SYNE2: variants seen among roughly 807,000 people sequenced by gnomAD.
SYNE2 encodes the protein spectrin repeat containing nuclear envelope protein 2, also known as nesprin-2.
In SYNE2, 431 loss-of-function variants were observed where a neutral mutation model predicts 856.3. The ratio of observed to expected loss-of-function variants is 0.50; its 90% CI spans 0.47 to 0.55. The LOEUF is 0.55. Ranked by LOEUF, SYNE2 falls within the 20% of genes least tolerant of loss-of-function variation. The probability of loss-of-function intolerance (pLI) is 0.00; values close to 1 mark genes in which losing one functional copy is unlikely to be tolerated. For synonymous variants in SYNE2, 2,923 were observed against 2,872.3 expected (o/e 1.02, Z -0.56); for missense variants, 8,129 against 8,023.2 (o/e 1.01, Z -0.50).
chr14:63,882,990 GT>G (rs140294720), intron 1 of SYNE2, among the ~76,000 whole-genome samples: 63,867 of 136,378 alleles, frequency 0.47, 15,130 homozygotes, highest in South Asian at 0.59. Context: ...TAAGCACTCT[GT>G]TTTTTTTTTT....
At chr14:64,075,668 A>G (rs967616175) in intron 53 of SYNE2, 27 of 392,632 alleles carry the variant, frequency 6.9e-5, no homozygotes, top group Non-Finnish European at 1.2e-4. Context: ...ATTAAATCCT[A>G]AAGGTACTTT....
chr14:63,761,985 A>G, exon 1 of SYNE2: 1 of 396,694 alleles, frequency 2.5e-6, no homozygotes, highest in Non-Finnish European at 5.3e-6. Flanking sequence ...ACAGCGTGAG[A>G]GGTAATAGGT....
intron 19 of SYNE2, among the ~76,000 whole-genome samples, chr14:63,988,661 A>G (rs534778636): frequency 6.6e-6 from 1 of 152,340 alleles, no homozygotes; most frequent in South Asian, 2.1e-4. Flanking sequence ...AGACTGGGCA[A>G]TTGACAAAAG....
chr14:63,918,731 G>T (rs1301605376), intron 2 of SYNE2, among the ~76,000 whole-genome samples: 1 of 152,142 alleles, frequency 6.6e-6, no homozygotes, highest in Non-Finnish European at 1.5e-5. Flanking sequence ...TACTGCACAG[G>T]GGATTTCATC....
intron 1 of SYNE2, among the ~76,000 whole-genome samples, chr14:63,763,005 T>C (rs904226626): frequency 6.6e-6 from 1 of 152,230 alleles, no homozygotes; most frequent in Non-Finnish European, 1.5e-5. Context: ...GTCTCACCTG[T>C]GGCCCAGCCT....
intron 2 of SYNE2, among the ~76,000 whole-genome samples, chr14:63,913,472 T>C (rs991389931): frequency 1.3e-5 from 2 of 150,612 alleles, no homozygotes; most frequent in African/African-American, 2.4e-5. Context: ...CTTTCTTTTT[T>C]TTTTTTCTGA....
intron 6 of SYNE2, 74 bp downstream of exon 6, chr14:63,942,217 AGTGG>A (rs2095928414): frequency 5.5e-6 from 5 of 909,238 alleles, no homozygotes; most frequent in African/African-American, 1.6e-5. Context: ...AATAAGTGTG[AGTGG>A]ACTAGATTCA....
At chr14:63,800,635 A>G (rs917606346) in intron 1 of SYNE2, among the ~76,000 whole-genome samples, 2 of 152,236 alleles carry the variant, frequency 1.3e-5, no homozygotes, top group Admixed American at 6.5e-5. Flanking sequence ...GTAGCCATAA[A>G]AAAGAAAAAG....
intron 1 of SYNE2, among the ~76,000 whole-genome samples, chr14:63,833,167 C>A (rs991250223): frequency 2.6e-5 from 4 of 151,986 alleles, no homozygotes; most frequent in East Asian, 1.9e-4. Context: ...TATGATCATG[C>A]CACTGTGCTC....
chr14:64,145,603 TAAAA>T (rs201743214), intron 83 of SYNE2, among the ~76,000 whole-genome samples: 1 of 151,994 alleles, frequency 6.6e-6, no homozygotes, highest in Non-Finnish European at 1.5e-5. Flanking sequence ...TATGACCTAA[TAAAA>T]AATTTATTAT....
chr14:64,037,023 GAGAGAGC>G (rs1373954265), intron 45 of SYNE2, among the ~76,000 whole-genome samples: 1 of 152,170 alleles, frequency 6.6e-6, no homozygotes, highest in Non-Finnish European at 1.5e-5. Context: ...TGTAGTGTCA[GAGAGAGC>G]TCCCAGGAAG....
chr14:64,005,184 G>A (rs1196014870), intron 30 of SYNE2, among the ~76,000 whole-genome samples: 1 of 152,200 alleles, frequency 6.6e-6, no homozygotes, highest in African/African-American at 2.4e-5. Context: ...GACATGGGAA[G>A]TCATTGCAGG....
intron 20 of SYNE2, 42 bp downstream of exon 20, chr14:63,990,611 A>C (rs1342117001): frequency 6.3e-7 from 1 of 1,586,720 alleles, no homozygotes; most frequent in Non-Finnish European, 8.7e-7. Context: ...CTGTTCTCTA[A>C]AACTGAGGGG....
At chr14:63,971,050 T>A (rs2096468659) in intron 11 of SYNE2, among the ~76,000 whole-genome samples, 1 of 151,982 alleles carries the variant, frequency 6.6e-6, no homozygotes, top group Non-Finnish European at 1.5e-5. Flanking sequence ...TCCTATCATG[T>A]TTTTAGTGGT....
At chr14:63,826,493 G>A (rs1416492702) in intron 1 of SYNE2, among the ~76,000 whole-genome samples, 1 of 151,940 alleles carries the variant, frequency 6.6e-6, no homozygotes, top group Non-Finnish European at 1.5e-5. Flanking sequence ...GTAGAGATGG[G>A]GTATCACCAT....
At position 63,996,993 on chromosome 14, in the gene SYNE2, T is replaced by G; in HGVS notation, c.2987T>G (p.Met996Arg). The G allele has an allele frequency of 6.2e-7, 1 of 1,614,106 alleles. No homozygotes were observed. Among genetic ancestry groups the G allele is most frequent in the Non-Finnish European group, 8.5e-7 (1 of 1,180,010 alleles). Residue 996 changes from methionine (M) to arginine (R), a missense_variant, in exon 24 of 116, where the codon ATG becomes AGG. Met to Arg is a moderately conservative substitution (Grantham distance 91, BLOSUM62 -1). Transcript: ENST00000555002. ...EGCLYQLNHH[M>R]EVLRELCEEL... ...TGCCTGTACCAGCTTAATCACCACATGGAAGTCCTGAGGGAGCTGTGTGAA... is the reference window on the plus strand; with the variant it reads ...TGCCTGTACCAGCTTAATCACCACAGGGAAGTCCTGAGGGAGCTGTGTGAA...
At chr14:64,172,447 C>T (rs890737052) in intron 94 of SYNE2, among the ~76,000 whole-genome samples, 2 of 152,186 alleles carry the variant, frequency 1.3e-5, no homozygotes, top group South Asian at 2.1e-4. Flanking sequence ...GGGCATCATT[C>T]TCTGTTGTGT....
At chr14:64,101,244 A>C (rs1190396684) in intron 63 of SYNE2, among the ~76,000 whole-genome samples, 2 of 152,060 alleles carry the variant, frequency 1.3e-5, no homozygotes, top group Non-Finnish European at 2.9e-5. Flanking sequence ...TCCCACCGAC[A>C]GTATTCAGGG....
chr14:63,959,405 C>T (rs2153444266), intron 8 of SYNE2, among the ~76,000 whole-genome samples: 1 of 142,440 alleles, frequency 7.0e-6, no homozygotes, highest in African/African-American at 2.6e-5. Flanking sequence ...TCAAGCAATT[C>T]TCCTGCCTCA....
Sources: gnomAD v4.1 joint callset for allele counts (sites outside exome capture counted in the v4.1 genomes callset) on GRCh38, gnomAD v4.1.1 for gene constraint, MANE v1.5 for transcripts, NCBI Gene and HGNC (gene_info 2026-07-23, HGNC 2026-07-21) for gene names.